ARK2N: variants seen among roughly 807,000 people sequenced by gnomAD.
ARK2N encodes the protein arkadia (RNF111) N-terminal like PKA signaling regulator 2N, also known as protein ARK2N.
the ARK2N span, among the ~76,000 whole-genome samples, chr18:46,259,594 A>G: frequency 2.7e-5 from 4 of 149,592 alleles, no homozygotes; most frequent in African/African-American, 7.4e-5. Flanking sequence ...CCCCGTAACT[A>G]CTATCTTGAC....
the ARK2N span, chr18:46,218,913 G>A: frequency 6.6e-6 from 1 of 152,232 alleles, no homozygotes; most frequent in African/African-American, 2.4e-5. Flanking sequence ...GAAACCAAGT[G>A]GAAAAGTAAA....
chr18:46,244,322 G>A, the ARK2N span, among the ~76,000 whole-genome samples: 2 of 152,088 alleles, frequency 1.3e-5, no homozygotes, highest in African/African-American at 2.4e-5. Context: ...TTTTCCCTGG[G>A]AAGTTAAAAC....
the ARK2N span, among the ~76,000 whole-genome samples, chr18:46,176,455 T>C: frequency 2.0e-5 from 3 of 150,694 alleles, no homozygotes; most frequent in Non-Finnish European, 3.0e-5. Flanking sequence ...TGTGTGTGTG[T>C]GCTTTTTTTT....
chr18:46,218,829 G>A, the ARK2N span: 1 of 152,198 alleles, frequency 6.6e-6, no homozygotes, highest in Non-Finnish European at 1.5e-5. Flanking sequence ...GGACATTCAG[G>A]TGAACTTAAG....
At chr18:46,235,868 T>C in the ARK2N span, among the ~76,000 whole-genome samples, 1 of 151,558 alleles carries the variant, frequency 6.6e-6, no homozygotes, top group Non-Finnish European at 1.5e-5. Flanking sequence ...GATTTGTTTT[T>C]GTGATTCAAA....
the ARK2N span, among the ~76,000 whole-genome samples, chr18:46,203,331 A>G: frequency 6.6e-6 from 1 of 152,180 alleles, no homozygotes; most frequent in Admixed American, 6.5e-5. Context: ...GCTGTTGCAT[A>G]CTGTTGCATG....
the ARK2N span, among the ~76,000 whole-genome samples, chr18:46,256,848 C>A: frequency 6.6e-6 from 1 of 152,170 alleles, no homozygotes; most frequent in African/African-American, 2.4e-5. Context: ...TCAGCAGCTT[C>A]TGTATCAGTA....
At chr18:46,179,133 G>A in the ARK2N span, among the ~76,000 whole-genome samples, 9 of 151,684 alleles carry the variant, frequency 5.9e-5, no homozygotes, top group Admixed American at 2.6e-4. Flanking sequence ...TGGTAGAGAC[G>A]AAGTTTCACC....
chr18:46,253,877 C>CCATA, the ARK2N span: 2 of 1,516,308 alleles, frequency 1.3e-6, no homozygotes, highest in Non-Finnish European at 8.9e-7. Flanking sequence ...TCTATTTTAA[C>CCATA]CAGAAAACAA....
the ARK2N span, chr18:46,253,844 G>A: frequency 3.2e-6 from 5 of 1,548,524 alleles, no homozygotes; most frequent in East Asian, 9.4e-5. Context: ...AATTGGAGTA[G>A]TCTGATATTT....
chr18:46,235,863 G>A, the ARK2N span, among the ~76,000 whole-genome samples: 1 of 151,828 alleles, frequency 6.6e-6, no homozygotes, highest in Non-Finnish European at 1.5e-5. Context: ...GTTTTGATTT[G>A]TTTTTGTGAT....
At chr18:46,221,768 G>A in the ARK2N span, among the ~76,000 whole-genome samples, 1 of 152,202 alleles carries the variant, frequency 6.6e-6, no homozygotes, top group East Asian at 1.9e-4. Context: ...AAGGCAGTGA[G>A]GAGGATTCAT....
At chr18:46,255,840 C>T in the ARK2N span, among the ~76,000 whole-genome samples, 1 of 151,772 alleles carries the variant, frequency 6.6e-6, no homozygotes, top group Non-Finnish European at 1.5e-5. Flanking sequence ...CTGTTTTCTG[C>T]CTTAATTACA....
chr18:46,191,386 A>C, the ARK2N span, among the ~76,000 whole-genome samples: 1 of 151,608 alleles, frequency 6.6e-6, no homozygotes, highest in Admixed American at 6.6e-5. Flanking sequence ...TCTCTACAAA[A>C]CTTCATCTTG....
the ARK2N span, among the ~76,000 whole-genome samples, chr18:46,222,161 G>A: frequency 2.0e-5 from 3 of 152,172 alleles, no homozygotes; most frequent in East Asian, 3.8e-4. Flanking sequence ...AGCTTTAAAT[G>A]ATTGACCTTA....
the ARK2N span, among the ~76,000 whole-genome samples, chr18:46,183,239 A>T: frequency 6.6e-6 from 1 of 152,186 alleles, no homozygotes; most frequent in Non-Finnish European, 1.5e-5. Flanking sequence ...GCAGATTATT[A>T]GTTACAAAAG....
At chr18:46,262,937 A>T in the ARK2N span, 2 of 1,614,012 alleles carry the variant, frequency 1.2e-6, no homozygotes, top group Non-Finnish European at 1.7e-6. Flanking sequence ...AGGTGTGTTC[A>T]TCCTCGAGGT....
the ARK2N span, among the ~76,000 whole-genome samples, chr18:46,224,033 C>T: frequency 6.6e-6 from 1 of 152,066 alleles, no homozygotes; most frequent in Admixed American, 6.6e-5. Flanking sequence ...GATAATCTAG[C>T]CTAGTTCAAG....
the ARK2N span, among the ~76,000 whole-genome samples, chr18:46,257,519 A>G: frequency 2.0e-5 from 3 of 152,150 alleles, 1 homozygote; most frequent in South Asian, 6.2e-4. Flanking sequence ...CTGGTTACCT[A>G]AATGTTATTT....
Sources: gnomAD v4.1 joint callset for allele counts (sites outside exome capture counted in the v4.1 genomes callset) on GRCh38, gnomAD v4.1.1 for gene constraint, MANE v1.5 for transcripts, NCBI Gene and HGNC (gene_info 2026-07-23, HGNC 2026-07-21) for gene names.